Variants in DNM3 observed in about 807,000 individuals in gnomAD.
DNM3 encodes dynamin 3.
DNM3 carries 47 observed loss-of-function variants against 101.6 expected under a neutral mutation model. That is an observed-to-expected ratio of 0.46 (90% CI 0.37 to 0.59). The LOEUF (loss-of-function observed/expected upper bound fraction) is 0.59, where lower values mean the gene tolerates loss of function less well. Ranked by LOEUF, DNM3 falls within the 20% of genes least tolerant of loss-of-function variation. DNM3 has a pLI of 0.00. For missense variants in DNM3, 849 were observed against 1,085.7 expected, an observed-to-expected ratio of 0.78 and a Z score of 3.06; for synonymous variants, 385 against 387.9, an observed-to-expected ratio of 0.99 and a Z score of 0.09.
At chr1:172,317,654 T>G (rs1189742598) in intron 16 of DNM3, among the ~76,000 whole-genome samples, 5 of 152,298 alleles carry the variant, frequency 3.3e-5, no homozygotes, top group African/African-American at 1.2e-4. Context: ...ATGGATAAAT[T>G]TCTCGACACA....
intron 10 of DNM3, among the ~76,000 whole-genome samples, chr1:172,061,772 G>A (rs141494769): frequency 9.4e-4 from 142 of 151,406 alleles, no homozygotes; most frequent in Middle Eastern, 3.4e-3. Context: ...TGGGTGCAGC[G>A]CACCAGCATG....
At chr1:172,314,426 G>C (rs1239345668) in intron 16 of DNM3, among the ~76,000 whole-genome samples, 2 of 152,220 alleles carry the variant, frequency 1.3e-5, no homozygotes, top group Admixed American at 6.5e-5. Context: ...AGCCGAAGCA[G>C]GGCGAGGCAT....
chr1:172,252,231 T>G (rs1199547226), intron 14 of DNM3, among the ~76,000 whole-genome samples: 2 of 152,148 alleles, frequency 1.3e-5, no homozygotes, highest in Non-Finnish European at 2.9e-5. Flanking sequence ...CACACGTGAC[T>G]TTATTTTTGT....
At chr1:172,200,059 A>G (rs1265499000) in intron 14 of DNM3, among the ~76,000 whole-genome samples, 2 of 152,190 alleles carry the variant, frequency 1.3e-5, no homozygotes, top group East Asian at 1.9e-4. Flanking sequence ...TTTCCTTTCT[A>G]TATTTCATGT....
At chr1:172,277,929 CCAAA>C (rs1334392837) in intron 15 of DNM3, among the ~76,000 whole-genome samples, 2 of 152,064 alleles carry the variant, frequency 1.3e-5, no homozygotes, top group East Asian at 3.9e-4. Flanking sequence ...CAGATACTTC[CCAAA>C]CAATTTATAT....
intron 14 of DNM3, among the ~76,000 whole-genome samples, chr1:172,148,059 T>C (rs963925909): frequency 6.6e-6 from 1 of 152,116 alleles, no homozygotes; most frequent in African/African-American, 2.4e-5. Context: ...AGTCCACAAA[T>C]GGAAAAACTC....
intron 14 of DNM3, among the ~76,000 whole-genome samples, chr1:172,191,645 T>G (rs2059728277): frequency 6.6e-6 from 1 of 152,250 alleles, no homozygotes; most frequent in African/African-American, 2.4e-5. Flanking sequence ...TTGCTATCCA[T>G]GAGCATGGAG....
intron 14 of DNM3, among the ~76,000 whole-genome samples, chr1:172,141,220 T>C (rs1056696094): frequency 6.6e-6 from 1 of 152,120 alleles, no homozygotes; most frequent in African/African-American, 2.4e-5. Context: ...ATAAAAATTA[T>C]TTGTAAGAGA....
chr1:172,319,418 C>A (rs965743944), intron 16 of DNM3, among the ~76,000 whole-genome samples: 3 of 152,286 alleles, frequency 2.0e-5, no homozygotes, highest in Non-Finnish European at 2.9e-5. Flanking sequence ...AGTTTCTGCA[C>A]AGCAAAAGAA....
chr1:172,039,475 A>G (rs1199685012), intron 7 of DNM3, among the ~76,000 whole-genome samples: 4 of 150,288 alleles, frequency 2.7e-5, no homozygotes, highest in Non-Finnish European at 4.4e-5. Context: ...TTTTTTTCAG[A>G]TATAACTCTT....
chr1:171,983,022 C>A (rs895286895), intron 2 of DNM3, among the ~76,000 whole-genome samples: 1 of 152,164 alleles, frequency 6.6e-6, no homozygotes, highest in Non-Finnish European at 1.5e-5. Flanking sequence ...TGCCTTCTCA[C>A]TTCCCTTATC....
intron 12 of DNM3, among the ~76,000 whole-genome samples, chr1:172,085,409 G>C (rs1183577455): frequency 6.6e-6 from 1 of 152,054 alleles, no homozygotes; most frequent in Non-Finnish European, 1.5e-5. Flanking sequence ...GGAATGCCTT[G>C]GGAAGTGAAA....
intron 14 of DNM3, among the ~76,000 whole-genome samples, chr1:172,141,098 A>T (rs2057552991): frequency 6.6e-6 from 1 of 152,068 alleles, no homozygotes; most frequent in Non-Finnish European, 1.5e-5. Context: ...CTGTAGTGAA[A>T]TTAAACCAAA....
chr1:172,115,105 TG>T (rs1344908109), intron 13 of DNM3, among the ~76,000 whole-genome samples: 5 of 152,212 alleles, frequency 3.3e-5, no homozygotes, highest in Non-Finnish European at 7.4e-5. Flanking sequence ...GTCTTTTCAT[TG>T]TCTGGGAGTC....
In DNM3 at chr1:172,354,112, T is replaced by TGTGA. The variant is rs138540712; in HGVS notation, c.1894-24905_1894-24904insTGAG. Among the ~76,000 whole-genome samples, 242 of 94,954 alleles carry TGTGA rather than the reference T, an allele frequency of 2.5e-3. 2 individuals are homozygous for TGTGA. The highest frequency in any genetic ancestry group is 9.6e-3 in the African/African-American group (216 of 22,604). 62.3% of individuals were successfully genotyped at this position (94,954 alleles called of 152,430 possible). A position where few individuals can be genotyped will look rare whatever the true frequency, so the allele number is the denominator to read the frequency against. On this transcript the variant is annotated intron_variant, in intron 17 of 20. Coordinates refer to ENST00000627582, the MANE Select transcript of DNM3 (RefSeq NM_015569.5). ...GGGTGTGTGTGTGTGTGTGTGTGTG[T>TGTGA]GAGAGAGAGAGAGAGAGAGAGAGAG...
intron 6 of DNM3, among the ~76,000 whole-genome samples, chr1:172,037,889 A>G (rs1424439047): frequency 6.6e-6 from 1 of 152,174 alleles, no homozygotes; most frequent in Admixed American, 6.6e-5. Flanking sequence ...AGTGTGGTAA[A>G]CCACTTAGTC....
chr1:171,857,504 T>C (rs10798716), intron 1 of DNM3, among the ~76,000 whole-genome samples: 88,618 of 151,922 alleles, frequency 0.58, 26,062 homozygotes, highest in East Asian at 0.8. Context: ...TTGCAACTGG[T>C]CAGATCTTCC....
intron 12 of DNM3, among the ~76,000 whole-genome samples, chr1:172,083,017 G>C (rs1234274539): frequency 6.6e-6 from 1 of 152,220 alleles, no homozygotes; most frequent in Non-Finnish European, 1.5e-5. Context: ...ATGTGCCCTA[G>C]TCTAGTTGTC....
At chr1:172,126,010 G>C (rs925683917) in intron 13 of DNM3, among the ~76,000 whole-genome samples, 2 of 151,666 alleles carry the variant, frequency 1.3e-5, no homozygotes, top group Admixed American at 1.3e-4. Context: ...CTTACTCCTT[G>C]TGGTCTGACC....
Sources: allele counts gnomAD v4.1 joint callset (sites outside exome capture counted in the v4.1 genomes callset), GRCh38; gene constraint gnomAD v4.1.1; transcripts MANE v1.5; gene names NCBI Gene and HGNC (gene_info 2026-07-23, HGNC 2026-07-21).